Variants in ATG10 observed in about 807,000 individuals in gnomAD.
ATG10 encodes the protein autophagy related 10.
A neutral mutation model predicts 32.1 loss-of-function variants in ATG10; 30 were observed. The observed-to-expected ratio is 0.94, with a 90% CI of 0.70 to 1.27. The LOEUF is 1.27. Among genes scored for constraint, ATG10 ranks in the 50% most tolerant of loss-of-function variants. The pLI is 0.00. For synonymous variants in ATG10, 87 were observed against 91.5 expected, an observed-to-expected ratio of 0.95 and a Z score of 0.28; for missense variants, 233 against 262.3, an observed-to-expected ratio of 0.89 and a Z score of 0.77.
In ATG10 at chr5:82,252,669, A is replaced by T; in HGVS notation, c.551+10A>T. Reference sequence around the variant, plus strand: ...CTCAGAAAATCAATAAGTAAGAAACACCATCAAGATACATTGGCTTCTACT... The same window carrying T: ...CTCAGAAAATCAATAAGTAAGAAACTCCATCAAGATACATTGGCTTCTACT... On this transcript the variant is annotated intron_variant, in intron 6 of 7. Transcript: ENST00000282185. 1 of 1,500,406 alleles carries T rather than the reference A, an allele frequency of 6.7e-7. No homozygotes were observed. Among genetic ancestry groups the T allele is most frequent in the Non-Finnish European group, 9.2e-7 (1 of 1,087,654 alleles). The allele number at this position is 1,500,406 out of a possible 1,614,324, so 92.9% of individuals were successfully genotyped here.
intron 2 of ATG10, among the ~76,000 whole-genome samples, chr5:82,000,654 G>A (rs1761821894): frequency 1.4e-5 from 2 of 146,430 alleles, no homozygotes; most frequent in East Asian, 1.9e-4. Context: ...AAAATCAGTA[G>A]CATTTCTTTT....
Position 81,987,512 on chromosome 5 carries a change from C to G in ATG10, c.-12-47C>G. ...ATAAATCAATTGGCAGAATTCCTTT[C>G]AATATAATTCTAAAGTTGATGCTAA... On this transcript the variant is annotated intron_variant, in intron 1 of 7. Coordinates refer to ENST00000282185, the MANE Select transcript of ATG10 (RefSeq NM_031482.5). 4 of 1,302,224 alleles carry G rather than the reference C, an allele frequency of 3.1e-6. No homozygotes were observed. In the South Asian group the frequency reaches 4.1e-5, roughly 13 times the overall value. 80.7% of individuals were successfully genotyped at this position (1,302,224 alleles called of 1,614,324 possible). A position where few individuals can be genotyped will look rare whatever the true frequency, so the allele number is the denominator to read the frequency against.
chr5:82,212,706 A>G (rs1745538690), intron 5 of ATG10, among the ~76,000 whole-genome samples: 1 of 152,200 alleles, frequency 6.6e-6, no homozygotes, highest in South Asian at 2.1e-4. Context: ...ATGAAGGTCA[A>G]TTTGGTAAAA....
chr5:82,004,115 C>T (rs1040623075), intron 2 of ATG10, among the ~76,000 whole-genome samples: 14 of 141,756 alleles, frequency 9.9e-5, no homozygotes, highest in African/African-American at 3.2e-4. Flanking sequence ...CCTGCTCTGT[C>T]GCCCAGAACA....
chr5:82,220,758 C>G (rs1205495880), intron 5 of ATG10, among the ~76,000 whole-genome samples: 1 of 145,424 alleles, frequency 6.9e-6, no homozygotes, highest in Non-Finnish European at 1.5e-5. Context: ...CTCTCTTTCT[C>G]TCTCTTTTTT....
chr5:82,253,236 G>T, intron 6 of ATG10, 78 bp from the exon 7 acceptor site: 1 of 941,050 alleles, frequency 1.1e-6, no homozygotes, highest in South Asian at 1.4e-5. Context: ...TATTGTTGGT[G>T]ACCAACTGAT....
chr5:82,027,303 G>A (rs1453528358), intron 2 of ATG10, among the ~76,000 whole-genome samples: 1 of 152,048 alleles, frequency 6.6e-6, no homozygotes, highest in Non-Finnish European at 1.5e-5. Context: ...AAAGGCTGAG[G>A]TGGGAGGATG....
intron 3 of ATG10, among the ~76,000 whole-genome samples, chr5:82,132,331 G>A (rs181022329): frequency 2.0e-5 from 3 of 151,912 alleles, no homozygotes; most frequent in African/African-American, 7.2e-5. Context: ...GTATACATGT[G>A]CCATGGTGGT....
intron 5 of ATG10, among the ~76,000 whole-genome samples, chr5:82,222,923 T>G (rs193110782): frequency 1.2e-4 from 19 of 152,350 alleles, no homozygotes; most frequent in Admixed American, 9.8e-4. Context: ...GTCCTAAGAA[T>G]AGTGTTGTAA....
intron 6 of ATG10, 60 bp from the exon 7 acceptor site, chr5:82,253,254 C>G (rs1207410999): frequency 2.6e-6 from 3 of 1,137,876 alleles, no homozygotes; most frequent in African/African-American, 1.5e-5. Context: ...GATGTTCTAC[C>G]ATTCATCCAA....
intron 5 of ATG10, among the ~76,000 whole-genome samples, chr5:82,186,448 G>T (rs1042820049): frequency 1.3e-5 from 2 of 152,056 alleles, no homozygotes. Context: ...TGGTATCTTC[G>T]AGTAATAATG....
intron 3 of ATG10, among the ~76,000 whole-genome samples, chr5:82,132,851 G>C (rs563521277): frequency 5.3e-5 from 8 of 151,996 alleles, no homozygotes; most frequent in Admixed American, 5.2e-4. Flanking sequence ...TTTACACTCC[G>C]ACCAACAGTG....
chr5:82,062,657 G>A (rs1435197248), intron 3 of ATG10, among the ~76,000 whole-genome samples: 1 of 152,184 alleles, frequency 6.6e-6, no homozygotes, highest in Non-Finnish European at 1.5e-5. Context: ...CAGGAAGAGA[G>A]CAGAGAATGT....
chr5:82,100,534 G>T (rs934271438), intron 3 of ATG10, among the ~76,000 whole-genome samples: 3 of 152,074 alleles, frequency 2.0e-5, no homozygotes, highest in African/African-American at 7.2e-5. Context: ...AAGAGAAAAA[G>T]ATCTTTGGGA....
At chr5:82,194,480 G>T (rs1057162516) in intron 5 of ATG10, among the ~76,000 whole-genome samples, 4 of 152,112 alleles carry the variant, frequency 2.6e-5, no homozygotes, top group Non-Finnish European at 4.4e-5. Context: ...AAATATTCCG[G>T]ATTCAACAGG....
At chr5:81,972,963 G>A (rs1760768110) in intron 1 of ATG10, among the ~76,000 whole-genome samples, 1 of 152,136 alleles carries the variant, frequency 6.6e-6, no homozygotes, top group African/African-American at 2.4e-5. Flanking sequence ...TGATTTAGAT[G>A]TCTAGGGGAC....
chr5:82,102,810 C>A (rs1441681302), intron 3 of ATG10, among the ~76,000 whole-genome samples: 1 of 152,162 alleles, frequency 6.6e-6, no homozygotes, highest in Non-Finnish European at 1.5e-5. Context: ...TTTGTGTAAA[C>A]CACTGTTGGA....
intron 3 of ATG10, among the ~76,000 whole-genome samples, chr5:82,114,216 A>G (rs1765706444): frequency 6.6e-6 from 1 of 152,034 alleles, no homozygotes; most frequent in African/African-American, 2.4e-5. Context: ...TCTTATATGT[A>G]TGATTGGCTG....
At chr5:82,196,681 CAA>C (rs1196865570) in intron 5 of ATG10, among the ~76,000 whole-genome samples, 3 of 152,118 alleles carry the variant, frequency 2.0e-5, no homozygotes, top group African/African-American at 7.2e-5. Flanking sequence ...GCACCCTTGT[CAA>C]AAATCAATTT....
Sources: gnomAD v4.1 joint callset for allele counts (sites outside exome capture counted in the v4.1 genomes callset) on GRCh38, gnomAD v4.1.1 for gene constraint, MANE v1.5 for transcripts, NCBI Gene and HGNC (gene_info 2026-07-23, HGNC 2026-07-21) for gene names.